ARHGAP8: variants seen among roughly 807,000 people sequenced by gnomAD.
The protein encoded by ARHGAP8 is rho GTPase-activating protein 8.
ARHGAP8 carries 62 observed loss-of-function variants against 46.1 expected under a neutral mutation model. The ratio of observed to expected loss-of-function variants is 1.34; its 90% CI spans 1.10 to 1.66. The LOEUF is 1.66. Among genes scored for constraint, ARHGAP8 ranks in the 40% most tolerant of loss-of-function variants. The probability of loss-of-function intolerance (pLI) is 0.00; values close to 1 mark genes in which losing one functional copy is unlikely to be tolerated. For synonymous variants in ARHGAP8, 375 were observed against 243.1 expected (o/e 1.54, Z -5.05); for missense variants, 923 against 568.4 (o/e 1.62, Z -6.34).
chr22:44,859,883 C>T, intron 11 of ARHGAP8, 49 bp downstream of exon 11: 1 of 1,596,468 alleles, frequency 6.3e-7, no homozygotes. Context: ...GGCCTTCCCT[C>T]CCATGCTGGG....
chr22:44,760,204 T>C (rs1043474040), intron 1 of ARHGAP8, among the ~76,000 whole-genome samples: 1 of 152,100 alleles, frequency 6.6e-6, no homozygotes, highest in African/African-American at 2.4e-5. Flanking sequence ...CCAGTGGTGG[T>C]TGTGATGAAG....
intron 8 of ARHGAP8, among the ~76,000 whole-genome samples, chr22:44,845,978 C>T (rs1232792496): frequency 1.3e-5 from 2 of 151,834 alleles, no homozygotes; most frequent in South Asian, 2.1e-4. Context: ...GGTGCTGCAG[C>T]GCAGATGCGT....
At chr22:44,791,336 G>C (rs1167074308) in intron 2 of ARHGAP8, among the ~76,000 whole-genome samples, 1 of 152,132 alleles carries the variant, frequency 6.6e-6, no homozygotes, top group Non-Finnish European at 1.5e-5. Flanking sequence ...ACTTCCTTGG[G>C]AGATGATGGC....
chr22:44,824,173 C>T (rs1254001733), intron 6 of ARHGAP8, among the ~76,000 whole-genome samples: 1 of 152,124 alleles, frequency 6.6e-6, no homozygotes, highest in African/African-American at 2.4e-5. Flanking sequence ...GGCTGTCATC[C>T]CAGCTTGTGA....
At chr22:44,795,618 C>G (rs763497627) in intron 2 of ARHGAP8, among the ~76,000 whole-genome samples, 1 of 152,098 alleles carries the variant, frequency 6.6e-6, no homozygotes, top group Non-Finnish European at 1.5e-5. Flanking sequence ...GCAAACCAGA[C>G]GAGGGCGGGA....
intron 6 of ARHGAP8, among the ~76,000 whole-genome samples, chr22:44,822,976 C>T (rs1277090681): frequency 3.9e-5 from 6 of 152,198 alleles, no homozygotes; most frequent in African/African-American, 7.2e-5. Flanking sequence ...TGCCACACAG[C>T]CAGTACAGGG....
intron 10 of ARHGAP8, among the ~76,000 whole-genome samples, chr22:44,851,861 G>T (rs759359864): frequency 1.3e-5 from 2 of 151,796 alleles, no homozygotes; most frequent in Non-Finnish European, 2.9e-5. Flanking sequence ...AATGATGGAG[G>T]GAGGGAGGGA....
chr22:44,797,751 C>T (rs369256186), intron 2 of ARHGAP8, among the ~76,000 whole-genome samples: 6 of 152,180 alleles, frequency 3.9e-5, no homozygotes, highest in East Asian at 1.9e-4. Flanking sequence ...ACACACTGTG[C>T]GCGCGTGTGT....
chr22:44,856,726 G>A (rs1173865179), intron 10 of ARHGAP8, among the ~76,000 whole-genome samples: 1 of 144,036 alleles, frequency 6.9e-6, no homozygotes, highest in Non-Finnish European at 1.5e-5. Context: ...GGACCCAAGA[G>A]ACAGAGACAA....
Position 44,850,399 on chromosome 22 carries a change from A to G in ARHGAP8, c.877+1339A>G, listed in dbSNP as rs536800331. 4.6e-5 allele frequency: 7 copies of G among 152,340 alleles called. No individual in the cohort carries two copies. The East Asian group carries it at 1.2e-3, about 25-fold the overall frequency. The allele number at this position is 152,340 out of a possible 1,614,324, so 9.4% of individuals were successfully genotyped here. On this transcript the variant is annotated intron_variant, in intron 10 of 11. Coordinates refer to ENST00000356099, the MANE Select transcript of ARHGAP8 (RefSeq NM_181335.3). ...TCTGGTGGAGACAGAAGGAGGCACT[A>G]CATTCAGCAGCATCCTACCAGCCGG...
intron 2 of ARHGAP8, among the ~76,000 whole-genome samples, chr22:44,795,083 C>G (rs1250983244): frequency 6.7e-6 from 1 of 149,248 alleles, no homozygotes; most frequent in Non-Finnish European, 1.5e-5. Context: ...GGTATGAAAA[C>G]AAAATACCAA....
chr22:44,777,663 A>G lies in ARHGAP8; in HGVS notation c.-71-8794A>G, dbSNP rs984122144. On this transcript the variant is annotated intron_variant, in intron 1 of 11. Coordinates refer to ENST00000356099, the MANE Select transcript of ARHGAP8 (RefSeq NM_181335.3). ...GAATTCTTAACTTGTATTTGAGCCC[A>G]CCCAGTGGTGATTGTTTTGTTTTAT... Among the ~76,000 whole-genome samples, 6 of 151,412 alleles carry G rather than the reference A, an allele frequency of 4.0e-5. No individual in the cohort carries two copies. The Admixed American group carries it at 4.0e-4, about 10-fold the overall frequency.
intron 1 of ARHGAP8, chr22:44,786,186 GA>G (rs1927208633): frequency 1.8e-6 from 1 of 563,170 alleles, no homozygotes; most frequent in Admixed American, 3.3e-5. Flanking sequence ...GTGCTCGGCT[GA>G]GGTAGGGCGT....
At chr22:44,789,067 A>C (rs992568919) in intron 2 of ARHGAP8, among the ~76,000 whole-genome samples, 4 of 152,190 alleles carry the variant, frequency 2.6e-5, no homozygotes, top group African/African-American at 9.7e-5. Flanking sequence ...CACAGCTCCC[A>C]AAATTGGACT....
intron 5 of ARHGAP8, among the ~76,000 whole-genome samples, chr22:44,820,563 G>T (rs1164163877): frequency 6.6e-6 from 1 of 152,158 alleles, no homozygotes; most frequent in Non-Finnish European, 1.5e-5. Flanking sequence ...TCCTGCAGGG[G>T]TCCCACCAGC....
rs753730992 is a variant in ARHGAP8 at position 44,825,539 on chromosome 22, C to G, written c.542C>G (p.Thr181Arg). The G allele has an allele frequency of 6.2e-7, 1 of 1,613,564 alleles. No homozygotes were observed. Among genetic ancestry groups the G allele is most frequent in the Non-Finnish European group, 8.5e-7 (1 of 1,179,884 alleles). The change falls in exon 7 of 12, where the codon ACA becomes AGA. Residue 181 changes from threonine to arginine, a missense_variant. Transcript: ENST00000356099. ...HEGRTPPPTK[T>R]PPPRPPLPTQ... is the part of the protein sequence containing the mutation. ...GGCCGGACGCCGCCTCCCACCAAGACACCACCGCCGCGGCCCCCGCTGCCC... is the reference window on the plus strand; with the variant it reads ...GGCCGGACGCCGCCTCCCACCAAGAGACCACCGCCGCGGCCCCCGCTGCCC...
At chr22:44,845,672 G>A (rs2069936602) in intron 8 of ARHGAP8, among the ~76,000 whole-genome samples, 1 of 152,192 alleles carries the variant, frequency 6.6e-6, no homozygotes, top group Non-Finnish European at 1.5e-5. Flanking sequence ...AGCACTTCGG[G>A]CAGTGCTGGT....
chr22:44,854,796 G>A (rs913713826), intron 10 of ARHGAP8, among the ~76,000 whole-genome samples: 2 of 151,776 alleles, frequency 1.3e-5, no homozygotes, highest in African/African-American at 4.8e-5. Context: ...CGGCCATCTT[G>A]CCTGGCTGAT....
chr22:44,859,936 T>G (rs1052955141), intron 11 of ARHGAP8, 102 bp downstream of exon 11: 77 of 1,375,826 alleles, frequency 5.6e-5, no homozygotes, highest in Middle Eastern at 4.1e-4. Context: ...TCTGGGGTCA[T>G]GCCCTGCTTG....
Sources: allele counts gnomAD v4.1 joint callset (sites outside exome capture counted in the v4.1 genomes callset), GRCh38; gene constraint gnomAD v4.1.1; transcripts MANE v1.5; gene names NCBI Gene and HGNC (gene_info 2026-07-23, HGNC 2026-07-21).